SSBP3: variants seen among roughly 807,000 people sequenced by gnomAD.
The protein encoded by SSBP3 is single stranded DNA binding protein 3, also known as single-stranded DNA-binding protein 3.
In SSBP3, 5 loss-of-function variants were observed where a neutral mutation model predicts 69.6. That is an observed-to-expected ratio of 0.07 (90% confidence interval 0.04 to 0.15). The LOEUF is 0.15. Among genes scored for constraint, SSBP3 ranks in the 10% least tolerant of loss-of-function variants. The pLI is 1.00. For missense variants in SSBP3, 312 were observed against 534.0 expected, an observed-to-expected ratio of 0.58 and a Z score of 4.10; for synonymous variants, 196 against 193.4, an observed-to-expected ratio of 1.01 and a Z score of -0.11.
chr1:54,297,744 A>C (rs1645727247), intron 4 of SSBP3, among the ~76,000 whole-genome samples: 1 of 152,226 alleles, frequency 6.6e-6, no homozygotes, highest in Non-Finnish European at 1.5e-5. Context: ...CTGGGTGAGG[A>C]GTCAGGCTTG....
intron 5 of SSBP3, among the ~76,000 whole-genome samples, chr1:54,265,330 G>A (rs1645083108): frequency 6.6e-6 from 1 of 152,290 alleles, no homozygotes; most frequent in Admixed American, 6.5e-5. Context: ...GTGTTATGTA[G>A]GGTGTGTATG....
At chr1:54,270,731 C>T (rs1375788717) in intron 5 of SSBP3, among the ~76,000 whole-genome samples, 3 of 152,190 alleles carry the variant, frequency 2.0e-5, no homozygotes, top group Admixed American at 6.5e-5. Flanking sequence ...TCTCGAGAGC[C>T]AACCCAGCAC....
chr1:54,240,799 G>A, intron 13 of SSBP3, 106 bp downstream of exon 13: 5 of 1,451,364 alleles, frequency 3.4e-6, no homozygotes, highest in Non-Finnish European at 4.8e-6. Flanking sequence ...CCAGGAAGGA[G>A]TGGCTGGTAA....
intron 4 of SSBP3, among the ~76,000 whole-genome samples, chr1:54,381,211 C>T (rs1394277741): frequency 6.6e-6 from 1 of 151,850 alleles, no homozygotes; most frequent in East Asian, 1.9e-4. Flanking sequence ...GGTGAAATTC[C>T]GTCTCTACTA....
chr1:54,293,946 G>A (rs1645652396), intron 4 of SSBP3, among the ~76,000 whole-genome samples: 1 of 151,876 alleles, frequency 6.6e-6, no homozygotes, highest in Admixed American at 6.6e-5. Context: ...AGACCACCCT[G>A]ACCAACATGG....
chr1:54,270,301 C>T (rs1537430), intron 5 of SSBP3, among the ~76,000 whole-genome samples: 88,616 of 151,904 alleles, frequency 0.58, 26,212 homozygotes, highest in South Asian at 0.72. Flanking sequence ...GTAGCAAGCC[C>T]GGGAGGAAAA....
intron 5 of SSBP3, among the ~76,000 whole-genome samples, chr1:54,280,587 G>A (rs1040520643): frequency 4.6e-5 from 7 of 152,158 alleles, no homozygotes; most frequent in Non-Finnish European, 1.5e-5. Context: ...TTGAAAGAAC[G>A]AGAGATGTTA....
At chr1:54,371,762 T>C (rs1647139104) in intron 4 of SSBP3, among the ~76,000 whole-genome samples, 1 of 152,178 alleles carries the variant, frequency 6.6e-6, no homozygotes, top group African/African-American at 2.4e-5. Context: ...TATCTAATCC[T>C]GCCAAAGCTG....
At chr1:54,289,076 C>A (rs1645556784) in intron 4 of SSBP3, among the ~76,000 whole-genome samples, 1 of 122,836 alleles carries the variant, frequency 8.1e-6, no homozygotes, top group South Asian at 2.5e-4. Flanking sequence ...TCCCACTCAC[C>A]CCTGTAGTTC....
intron 1 of SSBP3, among the ~76,000 whole-genome samples, chr1:54,405,215 C>T (rs1649632939): frequency 6.6e-6 from 1 of 152,206 alleles, no homozygotes; most frequent in East Asian, 1.9e-4. Context: ...TCCTCAAACT[C>T]GCAAGCCACT....
At chr1:54,293,262 A>AG (rs1466066970) in intron 4 of SSBP3, among the ~76,000 whole-genome samples, 3 of 152,028 alleles carry the variant, frequency 2.0e-5, no homozygotes, top group Middle Eastern at 3.2e-3. Context: ...CACATCGCTT[A>AG]GGATCCCGGT....
intron 9 of SSBP3, among the ~76,000 whole-genome samples, chr1:54,248,647 AAGATGAG>A (rs1644773185): frequency 2.0e-5 from 3 of 152,128 alleles, no homozygotes; most frequent in African/African-American, 4.8e-5. Flanking sequence ...TGCCGGGCCC[AAGATGAG>A]CCCGTAGGTG....
rs555473437 is a variant in SSBP3 at position 54,390,892 on chromosome 1, G to A, written c.276+10969C>T. Among the ~76,000 whole-genome samples, 49 of 152,312 alleles carry A rather than the reference G, an allele frequency of 3.2e-4. No individual in the cohort carries two copies. The South Asian group carries it at 3.5e-3, about 11-fold the overall frequency. On this transcript the variant is annotated intron_variant, in intron 4 of 17. Transcript: ENST00000610401. ...AGGAGAACATTTTCTACTGGAAGCC[G>A]TCTAAAAGCCGGCGAGCAGAGACCG...
chr1:54,372,954 G>GTT (rs1647159053), intron 4 of SSBP3, among the ~76,000 whole-genome samples: 1 of 152,162 alleles, frequency 6.6e-6, no homozygotes, highest in Admixed American at 6.5e-5. Context: ...CTATTCTTTT[G>GTT]TTGGGAGGCA....
rs1644675844 is a variant in SSBP3, at chr1:54,243,354, G to A, written c.652-55C>T. The A allele has an allele frequency of 9.4e-6, 15 of 1,599,336 alleles. No individual in the cohort carries two copies. In the Admixed American group the frequency reaches 1.5e-4, roughly 16 times the overall value. ...AGAAGAAGGGAACCGGAGACAGGAG[G>A]AGGGAGGAGAAACAAACAGACAAAA... On this transcript the variant is annotated intron_variant, in intron 9 of 17. Coordinates refer to ENST00000610401, the Ensembl canonical transcript of SSBP3.
At chr1:54,392,040 TC>T (rs1229425229) in intron 4 of SSBP3, among the ~76,000 whole-genome samples, 15 of 152,068 alleles carry the variant, frequency 9.9e-5, no homozygotes, top group Non-Finnish European at 2.1e-4. Flanking sequence ...CCGCGCCCAC[TC>T]CAGAGTGGTC....
At chr1:54,404,896 C>T in exon 2 of SSBP3, 2 of 1,612,472 alleles carry the variant, frequency 1.2e-6, no homozygotes, top group South Asian at 1.1e-5. Flanking sequence ...TGTGCTCCTA[C>T]GTGCAGTAAA....
In SSBP3 at chr1:54,258,037, C is replaced by A. The variant is rs1251924542; in HGVS notation, c.447+32G>T. On this transcript the variant is annotated intron_variant, in intron 6 of 17. Coordinates refer to ENST00000610401, the Ensembl canonical transcript of SSBP3. The surrounding 1 kb of genome is among the most constrained non-coding windows in gnomAD (Gnocchi z 4.5). ...CTCTGCTTCCTCCGCGCCCCGCGTCCCCGGCGGGCGGGAGCGCCACGGTGC... is the reference window on the plus strand; with the variant it reads ...CTCTGCTTCCTCCGCGCCCCGCGTCACCGGCGGGCGGGAGCGCCACGGTGC... 1 of 1,560,450 alleles carries A rather than the reference C, an allele frequency of 6.4e-7. No individual in the cohort carries two copies. Among genetic ancestry groups the A allele is most frequent in the Non-Finnish European group, 8.7e-7 (1 of 1,152,630 alleles).
intron 4 of SSBP3, among the ~76,000 whole-genome samples, chr1:54,366,252 A>G (rs1647028175): frequency 6.6e-6 from 1 of 152,168 alleles, no homozygotes; most frequent in Non-Finnish European, 1.5e-5. Context: ...CTGAAGGCAG[A>G]GTACTAACTA....
Sources: gnomAD v4.1 joint callset for allele counts (sites outside exome capture counted in the v4.1 genomes callset) on GRCh38, gnomAD v4.1.1 for gene constraint, Gnocchi (gnomAD v3.1) non-coding constraint, MANE v1.5 for transcripts, NCBI Gene and HGNC (gene_info 2026-07-23, HGNC 2026-07-21) for gene names.